MGMT: variants seen among roughly 807,000 people sequenced by gnomAD.
MGMT encodes the protein methylated-DNA--protein-cysteine methyltransferase.
In MGMT, 14 loss-of-function variants were observed where a neutral mutation model predicts 15.9. The ratio of observed to expected loss-of-function variants is 0.88; its 90% CI spans 0.58 to 1.37. MGMT has a LOEUF of 1.37. Among genes scored for constraint, MGMT ranks in the 40% most tolerant of loss-of-function variants. The pLI is 0.00. For synonymous variants in MGMT, 130 were observed against 118.2 expected, an observed-to-expected ratio of 1.10 and a Z score of -0.65; for missense variants, 282 against 268.1, an observed-to-expected ratio of 1.05 and a Z score of -0.36.
chr10:129,737,706 T>C (rs1283792868), intron 3 of MGMT, among the ~76,000 whole-genome samples: 3 of 152,232 alleles, frequency 2.0e-5, no homozygotes, highest in African/African-American at 4.8e-5. Context: ...TGGTCTTTGA[T>C]GATGGTGATG....
At chr10:129,596,115 A>G (rs1355936767) in intron 2 of MGMT, among the ~76,000 whole-genome samples, 1 of 139,190 alleles carries the variant, frequency 7.2e-6, no homozygotes, top group Admixed American at 7.2e-5. Flanking sequence ...TCCCTGCCCC[A>G]GGGTATCGGT....
chr10:129,545,948 G>A (rs1266154706), intron 2 of MGMT, among the ~76,000 whole-genome samples: 1 of 152,244 alleles, frequency 6.6e-6, no homozygotes, highest in Admixed American at 6.5e-5. Flanking sequence ...TTTAAATTGA[G>A]TTAAAGGTTA....
In MGMT at chr10:129,479,992, GC is replaced by G. The variant is rs376702539; in HGVS notation, c.-13+12697del. 2.6e-3 allele frequency among the ~76,000 whole-genome samples: 397 copies of G among 152,236 alleles called. 1 individual carries two copies. Among genetic ancestry groups the G allele is most frequent in the African/African-American group, 9.1e-3 (380 of 41,552 alleles). Reference sequence around the variant, plus strand: ...ATTCATTTAGACAATAAACCTATTAGCTTTTTGCATAAATAACATTTTAAAA... The same window carrying G: ...ATTCATTTAGACAATAAACCTATTAGTTTTTGCATAAATAACATTTTAAAA... On this transcript the variant is annotated intron_variant, in intron 1 of 4. Transcript: ENST00000651593.
At chr10:129,757,102 C>G (rs1040751293) in intron 3 of MGMT, among the ~76,000 whole-genome samples, 10 of 152,356 alleles carry the variant, frequency 6.6e-5, no homozygotes, top group Non-Finnish European at 1.3e-4. Context: ...TGCCTGATTG[C>G]TAAATACTAC....
intron 2 of MGMT, among the ~76,000 whole-genome samples, chr10:129,538,234 C>T (rs911601059): frequency 2.6e-5 from 4 of 152,138 alleles, no homozygotes; most frequent in East Asian, 1.9e-4. Context: ...TAACTACCGC[C>T]GAAGATATAG....
chr10:129,517,021 A>C (rs544719237), intron 1 of MGMT, among the ~76,000 whole-genome samples: 65 of 152,314 alleles, frequency 4.3e-4, no homozygotes, highest in Non-Finnish European at 5.9e-5. Flanking sequence ...AATGGAAACA[A>C]ACTGGTGTCC....
intron 2 of MGMT, among the ~76,000 whole-genome samples, chr10:129,571,395 T>C (rs1476133168): frequency 6.6e-6 from 1 of 152,220 alleles, no homozygotes; most frequent in African/African-American, 2.4e-5. Context: ...CAAAGATGCC[T>C]GCTACCCAGC....
intron 1 of MGMT, among the ~76,000 whole-genome samples, chr10:129,488,870 A>G (rs1845439374): frequency 6.6e-6 from 1 of 152,232 alleles, no homozygotes; most frequent in East Asian, 1.9e-4. Flanking sequence ...CAAACATGTG[A>G]CATGTGGATA....
intron 2 of MGMT, among the ~76,000 whole-genome samples, chr10:129,578,406 C>G (rs1361178064): frequency 2.0e-5 from 3 of 152,160 alleles, no homozygotes; most frequent in South Asian, 4.2e-4. Context: ...AGCTGGAAAC[C>G]ATCATTCTCA....
chr10:129,481,448 G>T (rs1845357047), intron 1 of MGMT, among the ~76,000 whole-genome samples: 1 of 152,082 alleles, frequency 6.6e-6, no homozygotes, highest in Non-Finnish European at 1.5e-5. Flanking sequence ...TGTTAGGAGG[G>T]CAATCTTGCA....
chr10:129,502,673 C>G (rs969730879), intron 1 of MGMT, among the ~76,000 whole-genome samples: 3 of 152,056 alleles, frequency 2.0e-5, no homozygotes, highest in Non-Finnish European at 4.4e-5. Context: ...GGGATGGGGC[C>G]GCCTCCCTTC....
rs959651976 is a variant in MGMT at position 129,472,819 on chromosome 10, G to C, written c.-13+5523G>C. Among the ~76,000 whole-genome samples the C allele has an allele frequency of 3.3e-5, 5 of 152,302 alleles. No individual in the cohort carries two copies. The South Asian group carries it at 1.0e-3, about 32-fold the overall frequency. ...CACTTGGCCACATTTGCCACCTCTG[G>C]TGCGTCTGAGGTCACAGTGCATTGT... On this transcript the variant is annotated intron_variant, in intron 1 of 4. Transcript: ENST00000651593.
At chr10:129,727,655 C>T (rs775911963) in intron 3 of MGMT, among the ~76,000 whole-genome samples, 1 of 152,202 alleles carries the variant, frequency 6.6e-6, no homozygotes, top group East Asian at 1.9e-4. Flanking sequence ...AAGACCCGCC[C>T]TCTGTTCCTT....
chr10:129,650,954 G>A (rs1386196520), intron 2 of MGMT, among the ~76,000 whole-genome samples: 1 of 152,174 alleles, frequency 6.6e-6, no homozygotes, highest in Admixed American at 6.5e-5. Context: ...GGTACTGCCC[G>A]AGGGCCGCAG....
At chr10:129,483,345 G>C (rs1367694210) in intron 1 of MGMT, among the ~76,000 whole-genome samples, 2 of 151,968 alleles carry the variant, frequency 1.3e-5, no homozygotes, top group Admixed American at 1.3e-4. Context: ...CATATTTACT[G>C]TTTTTTGAAA....
chr10:129,548,851 AGGCCAGG>A (rs1846125365), intron 2 of MGMT, among the ~76,000 whole-genome samples: 1 of 152,312 alleles, frequency 6.6e-6, no homozygotes, highest in East Asian at 1.9e-4. Context: ...GAGCCTGGTC[AGGCCAGG>A]CTGGTCCTCC....
At chr10:129,661,667 T>C (rs1369201413) in intron 2 of MGMT, among the ~76,000 whole-genome samples, 1 of 152,240 alleles carries the variant, frequency 6.6e-6, no homozygotes, top group Non-Finnish European at 1.5e-5. Context: ...CTTAGCAGTT[T>C]AGTGGTGTCT....
At chr10:129,707,476 A>C (rs1386716925) in intron 2 of MGMT, among the ~76,000 whole-genome samples, 2 of 152,144 alleles carry the variant, frequency 1.3e-5, no homozygotes, top group Non-Finnish European at 2.9e-5. Context: ...TGGAGGAGGC[A>C]GAACGCGTGG....
At chr10:129,517,549 G>A (rs941538890) in intron 1 of MGMT, among the ~76,000 whole-genome samples, 1 of 152,188 alleles carries the variant, frequency 6.6e-6, no homozygotes, top group African/African-American at 2.4e-5. Context: ...TACTGTTCAC[G>A]GGAGGAAGGG....
Sources: gnomAD v4.1 joint callset for allele counts (sites outside exome capture counted in the v4.1 genomes callset) on GRCh38, gnomAD v4.1.1 for gene constraint, MANE v1.5 for transcripts, NCBI Gene and HGNC (gene_info 2026-07-23, HGNC 2026-07-21) for gene names.